Variants in ST18 observed in about 807,000 individuals in gnomAD.
The protein encoded by ST18 is suppression of tumorigenicity 18 protein.
A neutral mutation model predicts 110.0 loss-of-function variants in ST18; 50 were observed. The observed-to-expected ratio is 0.45, with a 90% CI of 0.36 to 0.58. The LOEUF is 0.58. Ranked by LOEUF, ST18 falls within the 20% of genes least tolerant of loss-of-function variation. The pLI is 0.00. For synonymous variants in ST18, 461 were observed against 452.4 expected (o/e 1.02, Z -0.24); for missense variants, 1,306 against 1,280.1 (o/e 1.02, Z -0.31).
intron 2 of ST18, among the ~76,000 whole-genome samples, chr8:52,325,684 T>C (rs1179168622): frequency 6.6e-6 from 1 of 152,194 alleles, no homozygotes; most frequent in Non-Finnish European, 1.5e-5. Context: ...TATCTTAAAA[T>C]TCAAATATAA....
Position 52,328,448 on chromosome 8 carries a change from C to T in ST18, c.-465+80880G>A, listed in dbSNP as rs1032004070. Among the ~76,000 whole-genome samples the T allele has an allele frequency of 2.6e-5, 4 of 152,144 alleles. 1 individual carries two copies. Among genetic ancestry groups the T allele is most frequent in the African/African-American group, 2.4e-5 (1 of 41,426 alleles). ...ATAATGATGGTGATAATAATAATAACTAGCATTTATTGACTGTTATTGAGA... is the reference window on the plus strand; with the variant it reads ...ATAATGATGGTGATAATAATAATAATTAGCATTTATTGACTGTTATTGAGA... On this transcript the variant is annotated intron_variant, in intron 2 of 25. Coordinates refer to ENST00000689386, the MANE Select transcript of ST18 (RefSeq NM_001352837.2).
intron 22 of ST18, among the ~76,000 whole-genome samples, chr8:52,127,826 G>A (rs1262966538): frequency 6.6e-6 from 1 of 151,108 alleles, no homozygotes; most frequent in Non-Finnish European, 1.5e-5. Context: ...AAAAAAAAAA[G>A]GGCAGGAAAA....
intron 15 of ST18, among the ~76,000 whole-genome samples, chr8:52,156,044 G>A (rs1447746018): frequency 6.6e-6 from 1 of 152,176 alleles, no homozygotes. Context: ...CCTCACCCAA[G>A]TTCTGGTCAA....
At chr8:52,158,602 C>T (rs1014500327) in intron 15 of ST18, among the ~76,000 whole-genome samples, 1 of 152,186 alleles carries the variant, frequency 6.6e-6, no homozygotes, top group African/African-American at 2.4e-5. Context: ...ATAGCAAAAA[C>T]AGCTTTGAAA....
chr8:52,195,055 T>G (rs2075770953), intron 8 of ST18, among the ~76,000 whole-genome samples: 1 of 152,204 alleles, frequency 6.6e-6, no homozygotes, highest in African/African-American at 2.4e-5. Flanking sequence ...CCAAACTCCT[T>G]TTAAGTGCCC....
At chr8:52,262,471 C>A (rs541848199) in intron 2 of ST18, among the ~76,000 whole-genome samples, 4 of 152,200 alleles carry the variant, frequency 2.6e-5, no homozygotes, top group Non-Finnish European at 5.9e-5. Flanking sequence ...CACAGGACGA[C>A]CTCCAAAGCC....
intron 7 of ST18, among the ~76,000 whole-genome samples, chr8:52,212,476 A>G (rs1158904791): frequency 6.6e-6 from 1 of 152,246 alleles, no homozygotes; most frequent in Non-Finnish European, 1.5e-5. Flanking sequence ...TATCTTTATT[A>G]ATATTAAACA....
In ST18 at chr8:52,112,946, A is replaced by G; in HGVS notation, c.*252T>C. 1 of 315,686 alleles carries G rather than the reference A, an allele frequency of 3.2e-6. No homozygotes were observed. The highest frequency in any genetic ancestry group is 5.2e-5 in the East Asian group (1 of 19,116). 19.6% of individuals were successfully genotyped at this position (315,686 alleles called of 1,614,324 possible). A position where few individuals can be genotyped will look rare whatever the true frequency, so the allele number is the denominator to read the frequency against. ...ACTTTACAAAAAAAAAAAGAGTACA[A>G]TGAAGAAATAAAAGAAAAACATATG... On this transcript the variant is annotated 3_prime_UTR_variant, in exon 26 of 26. Coordinates refer to ENST00000689386, the MANE Select transcript of ST18 (RefSeq NM_001352837.2).
chr8:52,333,665 A>G (rs1369413602), intron 2 of ST18, among the ~76,000 whole-genome samples: 2 of 152,232 alleles, frequency 1.3e-5, no homozygotes. Flanking sequence ...GAAAAGAAAA[A>G]GAGGAACATA....
Position 52,118,416 on chromosome 8 carries a change from C to T in ST18, c.2781G>A (p.Arg927=), listed in dbSNP as rs1456918429. 6.2e-7 allele frequency: 1 copy of T among 1,610,386 alleles called. No individual in the cohort carries two copies. Among genetic ancestry groups the T allele is most frequent in the African/African-American group, 1.3e-5 (1 of 74,750 alleles). The change falls in exon 24 of 26, where the codon AGG becomes AGA. Residue 927 remains arginine, a synonymous_variant. Coordinates refer to ENST00000689386, the MANE Select transcript of ST18 (RefSeq NM_001352837.2). ...GTTCCTTTATTTCTTCATCCAAATG[C>T]CTAATTTCTTCATCACTCTCTATTC... ...TGGIESDEEI[R]HLDEEIKELN...
At chr8:52,182,468 G>C (rs2070155128) in intron 8 of ST18, among the ~76,000 whole-genome samples, 1 of 152,170 alleles carries the variant, frequency 6.6e-6, no homozygotes, top group Non-Finnish European at 1.5e-5. Flanking sequence ...ATTCTTTAAA[G>C]AGAAGGAAAT....
chr8:52,281,684 C>T (rs1003699143), intron 2 of ST18, among the ~76,000 whole-genome samples: 12 of 152,090 alleles, frequency 7.9e-5, no homozygotes, highest in Non-Finnish European at 1.8e-4. Context: ...CTGAATGTGG[C>T]ACATGTATAC....
chr8:52,153,223 A>T (rs1383247375), intron 15 of ST18, among the ~76,000 whole-genome samples: 1 of 152,256 alleles, frequency 6.6e-6, no homozygotes, highest in Non-Finnish European at 1.5e-5. Flanking sequence ...TTTTCCAAAC[A>T]TTGATAAAAC....
chr8:52,242,988 T>C (rs1412603418), intron 2 of ST18, among the ~76,000 whole-genome samples: 1 of 152,150 alleles, frequency 6.6e-6, no homozygotes, highest in Non-Finnish European at 1.5e-5. Flanking sequence ...GAGGAAGAAT[T>C]CAATTACCTT....
In ST18 at chr8:52,409,743, G is replaced by T. The variant is rs1394343536; in HGVS notation, c.-785C>A. 5.9e-5 allele frequency: 9 copies of T among 152,258 alleles called. 1 individual carries two copies. Among genetic ancestry groups the T allele is most frequent in the Admixed American group, 6.5e-5 (1 of 15,290 alleles). 9.4% of individuals were successfully genotyped at this position (152,258 alleles called of 1,614,324 possible). A position where few individuals can be genotyped will look rare whatever the true frequency, so the allele number is the denominator to read the frequency against. ...CATCCTGCCCTTCTCCCTACAAAAA[G>T]GTTCCATAGAATCAGAACGCAGAGG... On this transcript the variant is annotated 5_prime_UTR_variant, in exon 1 of 26. Coordinates refer to ENST00000689386, the MANE Select transcript of ST18 (RefSeq NM_001352837.2).
chr8:52,253,323 G>C (rs151243490), intron 2 of ST18, among the ~76,000 whole-genome samples: 2 of 152,196 alleles, frequency 1.3e-5, no homozygotes, highest in Non-Finnish European at 2.9e-5. Flanking sequence ...GTATAACTAA[G>C]TAATATTTCA....
chr8:52,134,754 C>G (rs1168001067), intron 19 of ST18, among the ~76,000 whole-genome samples: 1 of 152,016 alleles, frequency 6.6e-6, no homozygotes, highest in Non-Finnish European at 1.5e-5. Context: ...TGGTCTTTTT[C>G]TATTAACATT....
chr8:52,292,780 A>G (rs2095575611), intron 2 of ST18, among the ~76,000 whole-genome samples: 8 of 152,220 alleles, frequency 5.3e-5, no homozygotes, highest in Admixed American at 3.9e-4. Flanking sequence ...CTCATTCCAC[A>G]AGCAAACACA....
intron 16 of ST18, 50 bp downstream of exon 16, chr8:52,149,682 C>T (rs779214330): frequency 3.2e-6 from 5 of 1,575,430 alleles, no homozygotes; most frequent in Non-Finnish European, 4.3e-6. Flanking sequence ...CTAGTGATAC[C>T]CTGCAATCAT....
Sources: allele counts gnomAD v4.1 joint callset (sites outside exome capture counted in the v4.1 genomes callset), GRCh38; gene constraint gnomAD v4.1.1; transcripts MANE v1.5; gene names NCBI Gene and HGNC (gene_info 2026-07-23, HGNC 2026-07-21).